Variants in TPRX1 observed in about 807,000 individuals in gnomAD.
TPRX1 encodes the protein tetra-peptide repeat homeobox protein 1.
Under a neutral mutation model 8.1 loss-of-function variants are expected in TPRX1, and 2 were observed. The ratio of observed to expected loss-of-function variants is 0.25; its 90% CI spans 0.10 to 0.78. The LOEUF is 0.78. TPRX1 is among the 30% of genes least tolerant of loss of function. The pLI is 0.70. For missense variants in TPRX1, 517 were observed against 586.9 expected (o/e 0.88, Z 1.23); for synonymous variants, 257 against 254.1 (o/e 1.01, Z -0.11).
At chr19:47,802,369 T>G in exon 4 of TPRX1, 1 of 1,345,802 alleles carries the variant, frequency 7.4e-7, no homozygotes, top group Non-Finnish European at 1.0e-6. Flanking sequence ...GGCCTGAGAT[T>G]GGGCCTGAGA....
chr19:47,801,607 C>T, exon 4 of TPRX1: 1 of 751,726 alleles, frequency 1.3e-6, no homozygotes. Context: ...GACAGGCAGG[C>T]ACATTCACAG....
Position 47,818,355 on chromosome 19 carries a change from T to C in TPRX1, c.151+113A>G, listed in dbSNP as rs1254333975. On this transcript the variant is annotated intron_variant, in intron 2 of 3. Transcript: ENST00000535759. ...CATCCATCCATCATCCATCCATCCA[T>C]CCATCCATCCATCATCCATCACCCA... 5.2e-5 allele frequency: 17 copies of C among 324,626 alleles called. 1 individual carries two copies. The highest frequency in any genetic ancestry group is 2.8e-4 in the African/African-American group (7 of 25,228). 20.1% of individuals were successfully genotyped at this position (324,626 alleles called of 1,614,324 possible).
intron 2 of TPRX1, among the ~76,000 whole-genome samples, chr19:47,807,984 AGTG>A (rs1426729236): frequency 6.6e-6 from 1 of 152,110 alleles, no homozygotes; most frequent in Non-Finnish European, 1.5e-5. Flanking sequence ...ATTGGAGTGC[AGTG>A]GAGTCAATCG....
At chr19:47,809,980 C>T (rs1282528373) in intron 2 of TPRX1, among the ~76,000 whole-genome samples, 4 of 151,876 alleles carry the variant, frequency 2.6e-5, no homozygotes, top group African/African-American at 4.8e-5. Context: ...CTTGGCCAGA[C>T]GCAATGACTC....
intron 2 of TPRX1, among the ~76,000 whole-genome samples, chr19:47,811,821 A>G (rs1344170427): frequency 6.7e-6 from 1 of 150,270 alleles, no homozygotes; most frequent in Non-Finnish European, 1.5e-5. Flanking sequence ...AGAACATAAC[A>G]AGTAAGAATG....
intron 2 of TPRX1, among the ~76,000 whole-genome samples, chr19:47,817,146 G>A (rs1420438422): frequency 1.3e-5 from 2 of 152,184 alleles, no homozygotes; most frequent in African/African-American, 2.4e-5. Flanking sequence ...CAGCCACCTT[G>A]TGGTGCAGAC....
intron 2 of TPRX1, among the ~76,000 whole-genome samples, chr19:47,807,894 A>G (rs1967748798): frequency 6.6e-6 from 1 of 151,938 alleles, no homozygotes; most frequent in Non-Finnish European, 1.5e-5. Context: ...ACTCTGTGAC[A>G]TCTATTAAAG....
chr19:47,810,380 G>A (rs1249548137), intron 2 of TPRX1, among the ~76,000 whole-genome samples: 3 of 101,112 alleles, frequency 3.0e-5, no homozygotes, highest in African/African-American at 4.0e-5. Context: ...ACAGAGTCTC[G>A]CTCTGTCGCC....
intron 2 of TPRX1, among the ~76,000 whole-genome samples, chr19:47,807,875 T>C (rs12976882): frequency 0.24 from 36,023 of 152,036 alleles, 4,609 homozygotes; most frequent in Middle Eastern, 0.31. Context: ...AGGTTTTTTT[T>C]TGAAATTGAC....
intron 3 of TPRX1, 134 bp from the exon 3 acceptor site, chr19:47,803,114 G>C (rs1351992042): frequency 2.8e-6 from 3 of 1,069,418 alleles, no homozygotes. Flanking sequence ...CACCAAAAGA[G>C]GGCCCCGGCT....
At chr19:47,812,100 A>T (rs1967789241) in intron 2 of TPRX1, among the ~76,000 whole-genome samples, 1 of 147,284 alleles carries the variant, frequency 6.8e-6, no homozygotes, top group Non-Finnish European at 1.5e-5. Flanking sequence ...TCCTGACCTC[A>T]GGTGATCCGC....
At chr19:47,803,007 G>A (rs766655266) in intron 3 of TPRX1, 27 bp from the exon 3 acceptor site, 8 of 1,530,318 alleles carry the variant, frequency 5.2e-6, no homozygotes, top group Non-Finnish European at 7.0e-6. Flanking sequence ...ACAGGGAGAA[G>A]GTGTGAAGGA....
rs750708649 is a variant in TPRX1, at chr19:47,802,917, G to A, written c.385C>T (p.Arg129Cys). The stretch of plus-strand genomic sequence containing the variant: ...CCTCGGCCTCTCTGCCCAGGGACGC[G>A]CTGGGGCTGCTGCTGGAGCCGCCGC... Residue 129 changes from arginine (R) to cysteine (C), a missense_variant, in exon 4 of 4, where the codon CGC becomes TGC. By Grantham distance (180) the Arg-to-Cys change is radical. Around this residue, in one of 3 missense-constraint regions of TPRX1, gnomAD observed 506 missense variants for 515.5 expected, o/e 0.98. Transcript: ENST00000535759. 1.1e-5 allele frequency: 17 copies of A among 1,550,468 alleles called. No homozygotes were observed. The South Asian group carries it at 1.9e-4, about 17-fold the overall frequency.
exon 4 of TPRX1, chr19:47,802,137 G>T: frequency 6.3e-7 from 1 of 1,588,706 alleles, no homozygotes; most frequent in Non-Finnish European, 8.6e-7. Flanking sequence ...CTTCGCATCC[G>T]GCCAGGACTT....
chr19:47,801,452 T>C, exon 4 of TPRX1: 1 of 253,674 alleles, frequency 3.9e-6, no homozygotes. Context: ...AGTCTCACAA[T>C]CCTAAGTGTT....
At chr19:47,806,870 G>A (rs1303891108) in intron 2 of TPRX1, among the ~76,000 whole-genome samples, 2 of 152,088 alleles carry the variant, frequency 1.3e-5, no homozygotes, top group African/African-American at 4.8e-5. Context: ...CTGTAGTGAA[G>A]GAGGCACAAC....
Position 47,815,125 on chromosome 19 carries a change from T to TATATATGCAA in TPRX1, c.151+3342_151+3343insTTGCATATAT, listed in dbSNP as rs1555800016. Among the ~76,000 whole-genome samples, 2 of 97,422 alleles carry TATATATGCAA rather than the reference T, an allele frequency of 2.1e-5. 1 individual carries two copies. The highest frequency in any genetic ancestry group is 7.8e-5 in the African/African-American group (2 of 25,680). 63.9% of individuals were successfully genotyped at this position (97,422 alleles called of 152,430 possible). A position where few individuals can be genotyped will look rare whatever the true frequency, so the allele number is the denominator to read the frequency against. ...AATAAATAGATAAATTATATATATA[T>TATATATGCAA]ATATATATATATATATATGCAAATA... On this transcript the variant is annotated intron_variant, in intron 2 of 3. Coordinates refer to ENST00000535759, the Ensembl canonical transcript of TPRX1.
At chr19:47,809,981 G>A (rs914048349) in intron 2 of TPRX1, among the ~76,000 whole-genome samples, 8 of 152,038 alleles carry the variant, frequency 5.3e-5, no homozygotes, top group Middle Eastern at 3.4e-3. Context: ...TTGGCCAGAC[G>A]CAATGACTCA....
intron 2 of TPRX1, among the ~76,000 whole-genome samples, chr19:47,809,883 G>T (rs1397113316): frequency 2.0e-5 from 3 of 152,014 alleles, no homozygotes; most frequent in Non-Finnish European, 4.4e-5. Flanking sequence ...GTGGATGGAG[G>T]GAGGTCTTCT....
Sources: gnomAD v4.1 joint callset for allele counts (sites outside exome capture counted in the v4.1 genomes callset) on GRCh38, gnomAD v4.1.1 for gene constraint, gnomAD v4.1.1 regional missense constraint, MANE v1.5 for transcripts, NCBI Gene and HGNC (gene_info 2026-07-23, HGNC 2026-07-21) for gene names.